Variants in PCDHGA6 observed in about 807,000 individuals in gnomAD.
The protein encoded by PCDHGA6 is protocadherin gamma subfamily A, 6.
Under a neutral mutation model 60.6 loss-of-function variants are expected in PCDHGA6, and 41 were observed. The ratio of observed to expected loss-of-function variants is 0.68; its 90% CI spans 0.53 to 0.88. The LOEUF (loss-of-function observed/expected upper bound fraction) is 0.88, where lower values mean the gene tolerates loss of function less well. Among genes scored for constraint, PCDHGA6 ranks in the 40% least tolerant of loss-of-function variants. The pLI, the probability that PCDHGA6 is intolerant of heterozygous loss-of-function variation, is 0.00. For missense variants in PCDHGA6, 1,312 were observed against 1,203.0 expected, an observed-to-expected ratio of 1.09 and a Z score of -1.34; for synonymous variants, 594 against 524.4, an observed-to-expected ratio of 1.13 and a Z score of -1.81.
rs774690686 is a variant in PCDHGA6, at chr5:141,374,976, C to T, written c.893C>T (p.Thr298Ile). The change falls in exon 1 of 4, where the codon ACT (threonine) becomes ATT (isoleucine). Residue 298 changes from threonine (T) to isoleucine (I), a missense_variant. Transcript: ENST00000517434. ...CAAATTTTCTGTTTGAATGTTTTGACTGGAGAAATTTCAACTTCTGCAAAT... is the reference window on the plus strand; with the variant it reads ...CAAATTTTCTGTTTGAATGTTTTGATTGGAGAAATTTCAACTTCTGCAAAT... ...ISQIFCLNVL[T>I]GEISTSANLD... The T allele has an allele frequency of 6.2e-7, 1 of 1,614,016 alleles. No individual in the cohort carries two copies. Among genetic ancestry groups the T allele is most frequent in the South Asian group, 1.1e-5 (1 of 91,088 alleles).
chr5:141,508,979 G>A (rs1317798009), intron 3 of PCDHGA6, among the ~76,000 whole-genome samples: 1 of 152,110 alleles, frequency 6.6e-6, no homozygotes, highest in Non-Finnish European at 1.5e-5. Context: ...GCTGGGGGTG[G>A]GGGCCAGCTG....
intron 1 of PCDHGA6, chr5:141,478,619 A>G: frequency 6.4e-7 from 1 of 1,555,598 alleles, no homozygotes; most frequent in Non-Finnish European, 8.7e-7. Context: ...GAAGGAATGG[A>G]GCTGTTTTTT....
intron 1 of PCDHGA6, chr5:141,390,048 T>C (rs1307418187): frequency 1.2e-6 from 2 of 1,613,948 alleles, no homozygotes; most frequent in African/African-American, 1.3e-5. Context: ...CCCCGCCTCC[T>C]GGAGCTGCTT....
chr5:141,409,669 C>A, intron 1 of PCDHGA6: 1 of 1,613,528 alleles, frequency 6.2e-7, no homozygotes, highest in Non-Finnish European at 8.5e-7. Context: ...ACATCTCCTA[C>A]TCTATAGTGG....
At position 141,376,307 on chromosome 5, in the gene PCDHGA6, G is replaced by C; in HGVS notation, c.2224G>C (p.Gly742Arg). The C allele has an allele frequency of 6.2e-7, 1 of 1,614,192 alleles. No homozygotes were observed. The highest frequency in any genetic ancestry group is 8.5e-7 in the Non-Finnish European group (1 of 1,180,042). Residue 742 changes from glycine to arginine, a missense_variant, in exon 1 of 4, where the codon GGC (glycine) becomes CGC (arginine). Physicochemically the swap from Gly to Arg is moderately radical, Grantham distance 125. Transcript: ENST00000517434. ...LASMPGSHFVGVEGVRAFLQT... is the reference protein window; with the variant it reads ...LASMPGSHFVRVEGVRAFLQT... ...GAGCATGCCCGGCTCGCACTTTGTG[G>C]GCGTGGAAGGGGTTCGGGCTTTCCT...
At chr5:141,410,085 C>T (rs533911183) in intron 1 of PCDHGA6, 29 of 1,612,476 alleles carry the variant, frequency 1.8e-5, no homozygotes, top group South Asian at 1.1e-5. Flanking sequence ...GAGGTGCGCA[C>T]GGCTCGAGCC....
chr5:141,378,347 A>AC (rs1159176401), intron 1 of PCDHGA6: 1 of 152,134 alleles, frequency 6.6e-6, no homozygotes, highest in Non-Finnish European at 1.5e-5. Flanking sequence ...ACATGGTGAA[A>AC]CCCCGTCTCT....
At chr5:141,445,900 T>C (rs2098480876) in intron 1 of PCDHGA6, among the ~76,000 whole-genome samples, 1 of 152,224 alleles carries the variant, frequency 6.6e-6, no homozygotes, top group African/African-American at 2.4e-5. Flanking sequence ...TATTAAAATA[T>C]TTTAAACAAG....
intron 1 of PCDHGA6, chr5:141,427,539 A>G: frequency 1.6e-6 from 1 of 632,868 alleles, no homozygotes; most frequent in Non-Finnish European, 2.9e-6. Context: ...GTACAACGTC[A>G]CCATCACTGC....
Position 141,468,837 on chromosome 5 carries a change from G to A in PCDHGA6, c.2425-25970G>A, listed in dbSNP as rs550455857. ...GCCAAGATCAAGCCACTGCACTCCA[G>A]CCTGGGCAACAGAGCGAGACTCCAT... On this transcript the variant is annotated intron_variant, in intron 1 of 3. Transcript: ENST00000517434. 3.3e-5 allele frequency among the ~76,000 whole-genome samples: 5 copies of A among 152,228 alleles called. No homozygotes were observed. The East Asian group carries it at 9.7e-4, about 29-fold the overall frequency.
At position 141,432,117 on chromosome 5, in the gene PCDHGA6, C is replaced by G. The variant is rs761106133; in HGVS notation, c.2424+55610C>G. The G allele has an allele frequency of 6.2e-7, 1 of 1,614,062 alleles. No homozygotes were observed. The highest frequency in any genetic ancestry group is 8.5e-7 in the Non-Finnish European group (1 of 1,180,048). ...ACCAACGACAACCCGCCGGTCTTCC[C>G]TCAGGCCTCCTATTCCGCTTATATC... is the stretch of plus-strand genomic sequence containing the variant. On this transcript the variant is annotated intron_variant, in intron 1 of 3. Transcript: ENST00000517434. The surrounding 1 kb of genome is among the most constrained non-coding windows in gnomAD (Gnocchi z 6.0).
rs2154576188 is a variant in PCDHGA6 at position 141,477,933 on chromosome 5, T to C, written c.2425-16874T>C. ...GCGGATGCAGGGCACAATGCCTGGCTCTCCTACAGTCTCTTGGGATCCCCT... is the reference window on the plus strand; with the variant it reads ...GCGGATGCAGGGCACAATGCCTGGCCCTCCTACAGTCTCTTGGGATCCCCT... On this transcript the variant is annotated intron_variant, in intron 1 of 3. Coordinates refer to ENST00000517434, the MANE Select transcript of PCDHGA6 (RefSeq NM_018919.3). The surrounding 1 kb of genome is among the most constrained non-coding windows in gnomAD (Gnocchi z 4.9). 1.2e-6 allele frequency: 2 copies of C among 1,614,112 alleles called. No homozygotes were observed. Among genetic ancestry groups the C allele is most frequent in the Non-Finnish European group, 1.7e-6 (2 of 1,180,022 alleles).
chr5:141,453,323 G>A (rs1313870724), intron 1 of PCDHGA6, among the ~76,000 whole-genome samples: 1 of 151,482 alleles, frequency 6.6e-6, no homozygotes, highest in Non-Finnish European at 1.5e-5. Context: ...TTTAGAGATG[G>A]GGTCTCACTA....
chr5:141,393,642 G>C, intron 1 of PCDHGA6: 1 of 1,613,940 alleles, frequency 6.2e-7, no homozygotes, highest in Non-Finnish European at 8.5e-7. Context: ...CAACGGAAAA[G>C]TGGCATACAA....
Position 141,506,556 on chromosome 5 carries a change from AC to A in PCDHGA6, c.2572+1080del, listed in dbSNP as rs560503002. Among the ~76,000 whole-genome samples the A allele has an allele frequency of 4.0e-4, 60 of 151,718 alleles. 1 individual carries two copies. In the East Asian group the frequency reaches 0.011, roughly 28 times the overall value. ...AATGAGTCCTTAGGTAAGTTATTAA[AC>A]CCCCTCGGTTTCACTTACTATTAAT... On this transcript the variant is annotated intron_variant, in intron 3 of 3. Coordinates refer to ENST00000517434, the MANE Select transcript of PCDHGA6 (RefSeq NM_018919.3).
Position 141,374,558 on chromosome 5 carries a change from G to C in PCDHGA6, c.475G>C (p.Asp159His). 1 of 1,613,642 alleles carries C rather than the reference G, an allele frequency of 6.2e-7. No homozygotes were observed. Among genetic ancestry groups the C allele is most frequent in the Non-Finnish European group, 8.5e-7 (1 of 1,179,680 alleles). Reference sequence around the variant, plus strand: ...TCGTTTTCCACTAATGGAGGTCTATGACCCTGATGTGGGAATGAACTCCCT... The same window carrying C: ...TCGTTTTCCACTAATGGAGGTCTATCACCCTGATGTGGGAATGAACTCCCT... ...SSRFPLMEVY[D>H]PDVGMNSLQG... is the part of the protein sequence containing the mutation. The change falls in exon 1 of 4, where the codon GAC becomes CAC. Residue 159 changes from aspartate to histidine, a missense_variant. Physicochemically the swap from Asp to His is moderately conservative, Grantham distance 81. Coordinates refer to ENST00000517434, the MANE Select transcript of PCDHGA6 (RefSeq NM_018919.3).
rs57426385 is a variant in PCDHGA6, at chr5:141,415,740, G to GTTTTTTTTTTTTT, written c.2424+39253_2424+39265dup. ...TGAGTAGAATTTGATGTTTATTAAGGTTTTTTTTTTTTTTTTTTTTTTTTT... is the reference window on the plus strand; with the variant it reads ...TGAGTAGAATTTGATGTTTATTAAGGTTTTTTTTTTTTTTTTTTTTTTTTTTTTTTTTTTTTTT... On this transcript the variant is annotated intron_variant, in intron 1 of 3. Coordinates refer to ENST00000517434, the MANE Select transcript of PCDHGA6 (RefSeq NM_018919.3). The GTTTTTTTTTTTTT allele has an allele frequency of 2.5e-4, 159 of 625,022 alleles. 3 individuals carry two copies. Among genetic ancestry groups the GTTTTTTTTTTTTT allele is most frequent in the Admixed American group, 5.7e-4 (8 of 14,124 alleles). 38.7% of individuals were successfully genotyped at this position (625,022 alleles called of 1,614,324 possible).
intron 1 of PCDHGA6, among the ~76,000 whole-genome samples, chr5:141,482,410 T>G (rs1054330181): frequency 2.3e-4 from 35 of 151,890 alleles, no homozygotes; most frequent in Non-Finnish European, 1.0e-4. Flanking sequence ...AATAACTATT[T>G]GTTGAACTAA....
intron 1 of PCDHGA6, chr5:141,408,050 G>C: frequency 7.9e-7 from 1 of 1,259,544 alleles, no homozygotes; most frequent in South Asian, 1.6e-5. Context: ...CCCACACAGA[G>C]CCTCCCGGCT....
Sources: gnomAD v4.1 joint callset for allele counts (sites outside exome capture counted in the v4.1 genomes callset) on GRCh38, gnomAD v4.1.1 for gene constraint, Gnocchi (gnomAD v3.1) non-coding constraint, MANE v1.5 for transcripts, NCBI Gene and HGNC (gene_info 2026-07-23, HGNC 2026-07-21) for gene names.